The following ARMH4 variants were observed in gnomAD, a reference collection of about 807,000 sequenced individuals.
ARMH4 encodes the protein armadillo-like helical domain-containing protein 4.
In ARMH4, 49 loss-of-function variants were observed where a neutral mutation model predicts 61.9. The observed-to-expected ratio is 0.79, with a 90% confidence interval of 0.63 to 1.00. The LOEUF is 1.00. ARMH4 is among the 50% of genes least tolerant of loss of function. ARMH4 has a pLI of 0.00. For missense variants in ARMH4, 934 were observed against 930.0 expected (o/e 1.00, Z -0.06); for synonymous variants, 368 against 341.5 (o/e 1.08, Z -0.85).
chr14:58,120,135 A>C (rs1249606829), intron 4 of ARMH4, among the ~76,000 whole-genome samples: 1 of 152,164 alleles, frequency 6.6e-6, no homozygotes, highest in Non-Finnish European at 1.5e-5. Context: ...CTAGGCTCCA[A>C]ACATGTACAG....
intron 4 of ARMH4, among the ~76,000 whole-genome samples, chr14:58,104,156 C>G (rs529049348): frequency 1.1e-3 from 168 of 152,288 alleles, no homozygotes; most frequent in African/African-American, 3.9e-3. Context: ...CCTTCTCCTT[C>G]TCTCTGCCCT....
chr14:58,057,175 T>C (rs910711740), intron 5 of ARMH4, among the ~76,000 whole-genome samples: 7 of 152,210 alleles, frequency 4.6e-5, no homozygotes, highest in Non-Finnish European at 1.0e-4. Flanking sequence ...ACCTATGTAA[T>C]ATAACTAGAG....
chr14:58,138,563 G>C lies in ARMH4; in HGVS notation c.796C>G (p.Gln266Glu), dbSNP rs1887401741. ...KPSQMTADNTQAAATKQPLET... is the reference protein window; with the variant it reads ...KPSQMTADNTEAAATKQPLET... Reference sequence around the variant, plus strand: ...AGTGGTTGCTTGGTGGCAGCAGCCTGGGTGTTATCAGCTGTCATCTGCGAA... The same window carrying C: ...AGTGGTTGCTTGGTGGCAGCAGCCTCGGTGTTATCAGCTGTCATCTGCGAA... The change falls in exon 2 of 8, where the codon CAG becomes GAG. Residue 266 changes from glutamine to glutamate, a missense_variant. By Grantham distance (29) the Gln-to-Glu change is conservative. Transcript: ENST00000267485. The C allele has an allele frequency of 6.2e-7, 1 of 1,614,098 alleles. No individual in the cohort carries two copies. Among genetic ancestry groups the C allele is most frequent in the South Asian group, 1.1e-5 (1 of 91,088 alleles).
intron 4 of ARMH4, among the ~76,000 whole-genome samples, chr14:58,107,943 T>C (rs1257727329): frequency 6.6e-6 from 1 of 152,130 alleles, no homozygotes; most frequent in Non-Finnish European, 1.5e-5. Context: ...GAAACATTTG[T>C]AGGCATACGT....
chr14:58,069,643 T>C (rs1275366831), intron 5 of ARMH4, among the ~76,000 whole-genome samples: 1 of 152,076 alleles, frequency 6.6e-6, no homozygotes, highest in Non-Finnish European at 1.5e-5. Flanking sequence ...ATATAAAGTA[T>C]GCAGACGGCA....
chr14:58,061,018 T>C (rs1255351262), intron 5 of ARMH4, among the ~76,000 whole-genome samples: 1 of 152,178 alleles, frequency 6.6e-6, no homozygotes, highest in Non-Finnish European at 1.5e-5. Context: ...CCTGCATCAA[T>C]AGCCCTGCTT....
At chr14:58,013,194 T>C (rs1331309030) in intron 5 of ARMH4, among the ~76,000 whole-genome samples, 2 of 152,182 alleles carry the variant, frequency 1.3e-5, no homozygotes, top group African/African-American at 4.8e-5. Context: ...AGTTAATATC[T>C]CAGGTTTTGC....
At chr14:58,059,844 A>C (rs1014719584) in intron 5 of ARMH4, among the ~76,000 whole-genome samples, 8 of 152,170 alleles carry the variant, frequency 5.3e-5, no homozygotes, top group Non-Finnish European at 1.2e-4. Flanking sequence ...AGCCCTAGAC[A>C]CTGCGTTATA....
At chr14:58,092,701 ATCT>A (rs1885612429) in intron 5 of ARMH4, among the ~76,000 whole-genome samples, 1 of 152,002 alleles carries the variant, frequency 6.6e-6, no homozygotes, top group Non-Finnish European at 1.5e-5. Flanking sequence ...CCATCATCAC[ATCT>A]TCTTCTCTAA....
chr14:58,018,026 G>T (rs1381109284), intron 5 of ARMH4, among the ~76,000 whole-genome samples: 1 of 152,136 alleles, frequency 6.6e-6, no homozygotes, highest in Non-Finnish European at 1.5e-5. Context: ...AATGGGGAAA[G>T]GACAGTCTCT....
intron 5 of ARMH4, among the ~76,000 whole-genome samples, chr14:58,072,150 T>A (rs1449663862): frequency 3.3e-5 from 5 of 152,238 alleles, no homozygotes. Flanking sequence ...CTATCACTAC[T>A]GTTTATCATT....
chr14:58,131,571 G>A lies in ARMH4; in HGVS notation c.1772C>T (p.Pro591Leu). Reference sequence around the variant, plus strand: ...AGCTGTATTAACACGAGTAATAGATGGAACAACAGTTCTTCTCTCAGAGGA... The same window carrying A: ...AGCTGTATTAACACGAGTAATAGATAGAACAACAGTTCTTCTCTCAGAGGA... ...EASSERRTVV[P>L]SITRVNTAAS... Residue 591 changes from proline to leucine, a missense_variant, in exon 4 of 8, where the codon CCA becomes CTA. Transcript: ENST00000267485. 6.2e-7 allele frequency: 1 copy of A among 1,614,188 alleles called. No individual in the cohort carries two copies. Among genetic ancestry groups the A allele is most frequent in the Non-Finnish European group, 8.5e-7 (1 of 1,180,028 alleles).
chr14:58,005,050 T>C lies in ARMH4; in HGVS notation c.2254A>G (p.Lys752Glu). The change falls in exon 7 of 8, where the codon AAG becomes GAG. Residue 752 changes from lysine to glutamate, a missense_variant and splice_region_variant. By Grantham distance (56) the Lys-to-Glu change is moderately conservative. Coordinates refer to ENST00000267485, the MANE Select transcript of ARMH4 (RefSeq NM_001001872.4). ...RRNGFKRHKR[K>E]QREFNSMQDR... ...TTTTGCTGTTGTTGGTTCCATACCT[T>C]TCTTTTATGCCTTTTGAAGCCATTT... The C allele has an allele frequency of 6.2e-7, 1 of 1,614,012 alleles. No individual in the cohort carries two copies. The highest frequency in any genetic ancestry group is 2.2e-5 in the East Asian group (1 of 44,878).
intron 5 of ARMH4, among the ~76,000 whole-genome samples, chr14:58,076,780 A>G (rs1885061718): frequency 6.6e-6 from 1 of 152,194 alleles, no homozygotes; most frequent in Non-Finnish European, 1.5e-5. Context: ...AGCAGACCTG[A>G]CAAAGGGGAA....
chr14:58,137,695 T>G (rs545284036), intron 2 of ARMH4, among the ~76,000 whole-genome samples: 5 of 152,292 alleles, frequency 3.3e-5, no homozygotes, highest in Non-Finnish European at 7.4e-5. Context: ...GTAATTTTTA[T>G]ATAAAATAGA....
chr14:58,082,227 T>C (rs1325107211), intron 5 of ARMH4, among the ~76,000 whole-genome samples: 1 of 152,202 alleles, frequency 6.6e-6, no homozygotes, highest in African/African-American at 2.4e-5. Flanking sequence ...GGATTCCTTT[T>C]CCTCAAATAC....
chr14:58,149,482 C>T (rs1594787380), intron 1 of ARMH4, among the ~76,000 whole-genome samples: 1 of 152,126 alleles, frequency 6.6e-6, no homozygotes, highest in Non-Finnish European at 1.5e-5. Flanking sequence ...AGGCTGGGGT[C>T]AAAATAGCTA....
intron 3 of ARMH4, 140 bp downstream of exon 3, chr14:58,132,950 G>A (rs1269561487): frequency 3.4e-6 from 3 of 874,552 alleles, no homozygotes; most frequent in East Asian, 2.5e-5. Context: ...CCCCTTTCCA[G>A]GTAAAGGTGT....
intron 4 of ARMH4, among the ~76,000 whole-genome samples, chr14:58,121,995 A>ATGG (rs1886739625): frequency 5.3e-5 from 8 of 152,336 alleles, no homozygotes; most frequent in Admixed American, 2.0e-4. Flanking sequence ...TATTCCATGG[A>ATGG]ATACTCTTTT....
Sources: allele counts gnomAD v4.1 joint callset (sites outside exome capture counted in the v4.1 genomes callset), GRCh38; gene constraint gnomAD v4.1.1; transcripts MANE v1.5; gene names NCBI Gene and HGNC (gene_info 2026-07-23, HGNC 2026-07-21).